The following GLG1 variants were observed in gnomAD, a reference collection of about 807,000 sequenced individuals.
The protein encoded by GLG1 is golgi glycoprotein 1.
A neutral mutation model predicts 160.5 loss-of-function variants in GLG1; 38 were observed. The ratio of observed to expected loss-of-function variants is 0.24; its 90% confidence interval spans 0.18 to 0.31. The LOEUF is 0.31. Ranked by LOEUF, GLG1 falls within the 10% of genes least tolerant of loss-of-function variation. GLG1 has a pLI of 1.00. For missense variants in GLG1, 1,373 were observed against 1,505.2 expected (o/e 0.91, Z 1.45); for synonymous variants, 644 against 543.4 (o/e 1.19, Z -2.57).
chr16:74,508,741 G>C (rs2016701138), intron 3 of GLG1, 98 bp downstream of exon 3: 1 of 636,034 alleles, frequency 1.6e-6, no homozygotes, highest in Non-Finnish European at 2.9e-6. Context: ...TGAATTCTAA[G>C]AAAAGTAATG....
chr16:74,597,771 G>A (rs987892665), intron 1 of GLG1, among the ~76,000 whole-genome samples: 32 of 151,034 alleles, frequency 2.1e-4, no homozygotes, highest in Admixed American at 6.6e-4. Context: ...GGAGAATGGC[G>A]TGAACCCGGG....
chr16:74,462,694 C>A (rs1278263734), intron 20 of GLG1, 64 bp from the exon 21 acceptor site: 20 of 1,472,778 alleles, frequency 1.4e-5, no homozygotes, highest in Non-Finnish European at 3.8e-6. Flanking sequence ...TTTTAGATAT[C>A]CACCTTCCTA....
At chr16:74,541,055 G>T (rs1327037085) in intron 1 of GLG1, among the ~76,000 whole-genome samples, 1 of 152,176 alleles carries the variant, frequency 6.6e-6, no homozygotes, top group East Asian at 1.9e-4. Context: ...GCCGGGTGTG[G>T]TGGCTCACGT....
chr16:74,536,015 G>A (rs557594573), intron 1 of GLG1, among the ~76,000 whole-genome samples: 16 of 151,988 alleles, frequency 1.1e-4, no homozygotes, highest in Non-Finnish European at 2.4e-4. Flanking sequence ...AATAATGTCA[G>A]AATAAATGAA....
At chr16:74,506,581 C>CAA (rs56175030) in intron 3 of GLG1, among the ~76,000 whole-genome samples, 6 of 39,032 alleles carry the variant, frequency 1.5e-4, no homozygotes, top group East Asian at 1.0e-3. Context: ...GACTCCGTCT[C>CAA]AAAAAAAAAA....
Position 74,472,225 on chromosome 16 carries a change from T to C in GLG1, c.2115+124A>G. 3 of 706,292 alleles carry C rather than the reference T, an allele frequency of 4.2e-6. No individual in the cohort carries two copies. In the South Asian group the frequency reaches 5.4e-5, roughly 13 times the overall value. The allele number at this position is 706,292 out of a possible 1,614,324, so 43.8% of individuals were successfully genotyped here. On this transcript the variant is annotated intron_variant, in intron 14 of 25. Transcript: ENST00000422840. ...TGTTTACATTTTTAATTTTAACTTG[T>C]CAAAGCTGGCTAACACTCAAGAGTA... is the stretch of plus-strand genomic sequence containing the variant.
At chr16:74,562,148 T>G (rs114284227) in intron 1 of GLG1, among the ~76,000 whole-genome samples, 2,018 of 152,350 alleles carry the variant, frequency 0.013, 32 homozygotes, top group African/African-American at 0.046. Context: ...TGGAGAAATC[T>G]CCAGTGATAG....
chr16:74,533,598 T>G (rs2017606264), intron 1 of GLG1, among the ~76,000 whole-genome samples: 2 of 151,554 alleles, frequency 1.3e-5, no homozygotes, highest in Non-Finnish European at 2.9e-5. Context: ...CTGGCCAACA[T>G]GATGAAACCC....
intron 7 of GLG1, among the ~76,000 whole-genome samples, chr16:74,492,735 C>A (rs1329512511): frequency 6.7e-6 from 1 of 150,110 alleles, no homozygotes; most frequent in Non-Finnish European, 1.5e-5. Flanking sequence ...AGGAGAATGG[C>A]GTGAACACGG....
chr16:74,469,889 C>A (rs568037583), intron 16 of GLG1, 96 bp downstream of exon 16: 2 of 813,760 alleles, frequency 2.5e-6, no homozygotes, highest in East Asian at 2.4e-5. Context: ...GCTAACCCCA[C>A]GAGGCAGCAG....
rs147728038 is a variant in GLG1, at chr16:74,585,653, A to G, written c.438+21004T>C. ...AACTCAGGAGGCAGAGCTTGCAGTG[A>G]GCCAAGATCACGCTACTGTACTCCA... is the stretch of plus-strand genomic sequence containing the variant. On this transcript the variant is annotated intron_variant, in intron 1 of 25. Transcript: ENST00000422840. Among the ~76,000 whole-genome samples the G allele has an allele frequency of 8.8e-5, 13 of 148,562 alleles. No individual in the cohort carries two copies. The East Asian group carries it at 2.4e-3, about 28-fold the overall frequency.
At chr16:74,510,372 C>T (rs1482299616) in intron 2 of GLG1, among the ~76,000 whole-genome samples, 1 of 152,188 alleles carries the variant, frequency 6.6e-6, no homozygotes, top group Non-Finnish European at 1.5e-5. Context: ...ACATGTTACA[C>T]TAGAAAATAT....
At chr16:74,548,842 A>G (rs576878606) in intron 1 of GLG1, among the ~76,000 whole-genome samples, 307 of 152,242 alleles carry the variant, frequency 2.0e-3, no homozygotes, top group South Asian at 0.011. Context: ...CTAAAAATAG[A>G]AGAATTAGCT....
rs114219466 is a variant in GLG1 at position 74,499,242 on chromosome 16, C to T, written c.775-2598G>A. ...TTGTTTGTTGTTGTTGTTTAACTTTCATTTTTATTTATTTAAGAGACAGGG... is the reference window on the plus strand; with the variant it reads ...TTGTTTGTTGTTGTTGTTTAACTTTTATTTTTATTTATTTAAGAGACAGGG... On this transcript the variant is annotated intron_variant, in intron 4 of 25. Transcript: ENST00000422840. Among the ~76,000 whole-genome samples the T allele has an allele frequency of 6.7e-3, 1,023 of 151,964 alleles. 6 individuals are homozygous for T. Among genetic ancestry groups the T allele is most frequent in the African/African-American group, 0.023 (966 of 41,434 alleles).
intron 18 of GLG1, 102 bp from the exon 19 acceptor site, chr16:74,465,915 T>G (rs531100304): frequency 1.0e-6 from 1 of 983,660 alleles, no homozygotes; most frequent in Admixed American, 2.0e-5. Flanking sequence ...CATTTCTTTA[T>G]CCATTTCTCA....
At chr16:74,593,687 G>A (rs1015929161) in intron 1 of GLG1, among the ~76,000 whole-genome samples, 9 of 151,418 alleles carry the variant, frequency 5.9e-5, no homozygotes, top group South Asian at 2.1e-4. Flanking sequence ...TGCCCGCCTC[G>A]GCCTCGCAAA....
intron 22 of GLG1, 130 bp from the exon 23 acceptor site, chr16:74,459,919 G>A (rs527432262): frequency 5.8e-6 from 3 of 518,284 alleles, no homozygotes; most frequent in East Asian, 6.8e-5. Flanking sequence ...GCAGTGGTGC[G>A]ATCTCGGCTC....
chr16:74,557,708 C>G (rs192542500), intron 1 of GLG1, among the ~76,000 whole-genome samples: 1 of 151,712 alleles, frequency 6.6e-6, no homozygotes, highest in African/African-American at 2.4e-5. Context: ...GTGCAGCTAT[C>G]TGGAAGCAGC....
chr16:74,549,753 C>T (rs1451309370), intron 1 of GLG1, among the ~76,000 whole-genome samples: 3 of 151,632 alleles, frequency 2.0e-5, no homozygotes, highest in African/African-American at 7.3e-5. Context: ...AATTTTATAA[C>T]CTTGAGAAAA....
Sources: gnomAD v4.1 joint callset for allele counts (sites outside exome capture counted in the v4.1 genomes callset) on GRCh38, gnomAD v4.1.1 for gene constraint, MANE v1.5 for transcripts, NCBI Gene and HGNC (gene_info 2026-07-23, HGNC 2026-07-21) for gene names.